CEP63: variants seen among roughly 807,000 people sequenced by gnomAD.
The protein encoded by CEP63 is centrosomal protein 63.
In CEP63, 84 loss-of-function variants were observed where a neutral mutation model predicts 89.1. The observed-to-expected ratio is 0.94, with a 90% CI of 0.79 to 1.13. The LOEUF (loss-of-function observed/expected upper bound fraction) is 1.13, where lower values mean the gene tolerates loss of function less well. Ranked by LOEUF, CEP63 falls within the 50% of genes most tolerant of loss-of-function variation. The pLI is 0.00. For synonymous variants in CEP63, 267 were observed against 272.5 expected (o/e 0.98, Z 0.20); for missense variants, 838 against 813.3 (o/e 1.03, Z -0.37).
intron 11 of CEP63, among the ~76,000 whole-genome samples, chr3:134,571,999 A>G (rs1958028991): frequency 6.6e-6 from 1 of 152,200 alleles, no homozygotes; most frequent in African/African-American, 2.4e-5. Flanking sequence ...ATAATGGAAG[A>G]AAAGTACATT....
chr3:134,579,652 G>A (rs750081608), downstream of CEP63, among the ~76,000 whole-genome samples: 63 of 152,088 alleles, frequency 4.1e-4, no homozygotes, highest in Admixed American at 1.6e-3. Context: ...ATTATGAAAG[G>A]GTAAGAGTTC....
the CEP63 span, among the ~76,000 whole-genome samples, chr3:134,695,158 C>G: frequency 6.6e-6 from 1 of 152,170 alleles, no homozygotes; most frequent in African/African-American, 2.4e-5. Flanking sequence ...ACTGGGCTCT[C>G]TGTGCTGCGG....
At chr3:134,663,476 G>A in the CEP63 span, among the ~76,000 whole-genome samples, 1 of 152,326 alleles carries the variant, frequency 6.6e-6, no homozygotes, top group East Asian at 1.9e-4. Flanking sequence ...GAGAGTGTCA[G>A]TGTTAATTAG....
the CEP63 span, chr3:134,603,627 G>A: frequency 3.7e-6 from 6 of 1,605,738 alleles, no homozygotes; most frequent in Middle Eastern, 1.7e-4. Context: ...AGAAATTGTG[G>A]TTGGCATTCT....
chr3:134,675,217 C>A, the CEP63 span, among the ~76,000 whole-genome samples: 32 of 152,190 alleles, frequency 2.1e-4, no homozygotes, highest in Non-Finnish European at 2.8e-4. Context: ...AATCAAGAGT[C>A]CAGAAATAAA....
chr3:134,699,491 A>C, the CEP63 span, among the ~76,000 whole-genome samples: 1 of 152,194 alleles, frequency 6.6e-6, no homozygotes, highest in Non-Finnish European at 1.5e-5. Flanking sequence ...CTCACAGTAC[A>C]ATTTCTGTCA....
the CEP63 span, chr3:134,629,350 A>G: frequency 4.6e-6 from 2 of 435,288 alleles, no homozygotes; most frequent in East Asian, 3.5e-5. Context: ...TCTAAAAGCA[A>G]CAGCAACAAC....
the CEP63 span, among the ~76,000 whole-genome samples, chr3:134,730,158 T>TA: frequency 6.6e-6 from 1 of 152,222 alleles, no homozygotes. Context: ...TATATTTAAC[T>TA]ATATATAACT....
chr3:134,747,802 T>A, the CEP63 span, among the ~76,000 whole-genome samples: 81,460 of 152,018 alleles, frequency 0.54, 25,425 homozygotes, highest in East Asian at 0.78. Context: ...CTTTCTTTTT[T>A]TGAGACGGAG....
the CEP63 span, among the ~76,000 whole-genome samples, chr3:134,741,122 G>A: frequency 6.6e-6 from 1 of 152,110 alleles, no homozygotes; most frequent in South Asian, 2.1e-4. Context: ...TGGTGGCTGT[G>A]TGCTCCTATG....
the CEP63 span, among the ~76,000 whole-genome samples, chr3:134,747,109 A>G: frequency 2.1e-5 from 3 of 141,960 alleles, no homozygotes; most frequent in Admixed American, 7.2e-5. Flanking sequence ...ATAAGGTATA[A>G]GGAAGAGATC....
the CEP63 span, among the ~76,000 whole-genome samples, chr3:134,634,368 T>C: frequency 6.6e-6 from 1 of 152,078 alleles, no homozygotes; most frequent in African/African-American, 2.4e-5. Flanking sequence ...AAAGCTGTAA[T>C]CACAACAATG....
chr3:134,701,158 A>ATT, the CEP63 span, among the ~76,000 whole-genome samples: 1 of 150,890 alleles, frequency 6.6e-6, no homozygotes, highest in South Asian at 2.1e-4. Flanking sequence ...ACATACATAC[A>ATT]TTATATACAT....
Position 134,547,326 on chromosome 3 carries a change from T to A in CEP63, c.930-9T>A. ...AAGGCGTTAACAATCATCCTATGTC[T>A]TTCCATAGGCCACGGGAAGAATCTC... On this transcript the variant is annotated splice_polypyrimidine_tract_variant and intron_variant, in intron 8 of 14. Coordinates refer to ENST00000675561, the MANE Select transcript of CEP63 (RefSeq NM_001353108.3). 1 of 1,612,420 alleles carries A rather than the reference T, an allele frequency of 6.2e-7. No homozygotes were observed. The highest frequency in any genetic ancestry group is 8.5e-7 in the Non-Finnish European group (1 of 1,178,568).
At chr3:134,582,450 A>G (rs1958382516) in intron 10 of CEP63, among the ~76,000 whole-genome samples, 1 of 151,542 alleles carries the variant, frequency 6.6e-6, no homozygotes, top group Non-Finnish European at 1.5e-5. Flanking sequence ...TGTCCTTGTG[A>G]TAGTTTGCTG....
At chr3:134,765,641 A>G in the CEP63 span, among the ~76,000 whole-genome samples, 1 of 152,246 alleles carries the variant, frequency 6.6e-6, no homozygotes, top group Admixed American at 6.5e-5. Flanking sequence ...TCATGGTGTC[A>G]TATGGAAACT....
intron 3 of CEP63, among the ~76,000 whole-genome samples, chr3:134,523,909 T>C (rs1463844232): frequency 1.3e-5 from 2 of 152,208 alleles, no homozygotes; most frequent in Non-Finnish European, 2.9e-5. Flanking sequence ...AAAATAGTTT[T>C]TCCTAGTTCT....
chr3:134,674,708 T>C, the CEP63 span, among the ~76,000 whole-genome samples: 4 of 152,158 alleles, frequency 2.6e-5, no homozygotes, highest in African/African-American at 7.2e-5. Flanking sequence ...TTAAATCTAA[T>C]GAGTTTAATA....
the CEP63 span, among the ~76,000 whole-genome samples, chr3:134,688,762 G>A: frequency 6.6e-6 from 1 of 152,176 alleles, no homozygotes; most frequent in African/African-American, 2.4e-5. Context: ...CAAGCACCAG[G>A]ATGGCAAGGC....
Sources: gnomAD v4.1 joint callset for allele counts (sites outside exome capture counted in the v4.1 genomes callset) on GRCh38, gnomAD v4.1.1 for gene constraint, MANE v1.5 for transcripts, NCBI Gene and HGNC (gene_info 2026-07-23, HGNC 2026-07-21) for gene names.